CPEB1: variants seen among roughly 807,000 people sequenced by gnomAD.
CPEB1 encodes cytoplasmic polyadenylation element-binding protein 1.
In CPEB1, 7 loss-of-function variants were observed where a neutral mutation model predicts 65.8. The ratio of observed to expected loss-of-function variants is 0.11; its 90% CI spans 0.06 to 0.20. The LOEUF is 0.20. CPEB1 is among the 10% of genes least tolerant of loss of function. The probability of loss-of-function intolerance (pLI) is 1.00; values close to 1 mark genes in which losing one functional copy is unlikely to be tolerated. For synonymous variants in CPEB1, 262 were observed against 260.0 expected, an observed-to-expected ratio of 1.01 and a Z score of -0.08; for missense variants, 551 against 712.2, an observed-to-expected ratio of 0.77 and a Z score of 2.58.
chr15:82,633,230 C>A (rs2046401543), intron 1 of CPEB1: 1 of 152,100 alleles, frequency 6.6e-6, no homozygotes, highest in Non-Finnish European at 1.5e-5. Context: ...TGCTGTAAAA[C>A]AAAAACAATT....
intron 4 of CPEB1, among the ~76,000 whole-genome samples, chr15:82,561,114 T>C (rs2038113957): frequency 6.6e-6 from 1 of 151,982 alleles, no homozygotes; most frequent in African/African-American, 2.4e-5. Flanking sequence ...CACGAAGAGG[T>C]GGGACATTGA....
intron 1 of CPEB1, chr15:82,633,131 G>A (rs962856392): frequency 6.6e-6 from 1 of 152,138 alleles, no homozygotes; most frequent in African/African-American, 2.4e-5. Context: ...CAACGGGAAA[G>A]AAGGCTTTAA....
chr15:82,603,573 GT>G (rs2043301189), intron 3 of CPEB1, among the ~76,000 whole-genome samples: 1 of 151,568 alleles, frequency 6.6e-6, no homozygotes, highest in Non-Finnish European at 1.5e-5. Context: ...CTCTCTCCTG[GT>G]TAACCTTGAG....
chr15:82,556,404 C>T (rs142709262), intron 5 of CPEB1: 1 of 299,614 alleles, frequency 3.3e-6, no homozygotes, highest in African/African-American at 2.2e-5. Context: ...CTCACTGACC[C>T]ATACTCTTCC....
intron 3 of CPEB1, among the ~76,000 whole-genome samples, chr15:82,624,622 C>G (rs939267734): frequency 6.6e-6 from 1 of 152,174 alleles, no homozygotes; most frequent in East Asian, 1.9e-4. Flanking sequence ...TCACCAGACC[C>G]TGGCATCTTA....
At chr15:82,645,211 T>C (rs950536193) in intron 1 of CPEB1, among the ~76,000 whole-genome samples, 2 of 152,230 alleles carry the variant, frequency 1.3e-5, no homozygotes, top group African/African-American at 4.8e-5. Flanking sequence ...TGGAGTGCAG[T>C]GGCTGATCTC....
At chr15:82,605,650 G>A (rs868339096) in intron 3 of CPEB1, among the ~76,000 whole-genome samples, 1 of 152,260 alleles carries the variant, frequency 6.6e-6, no homozygotes, top group Middle Eastern at 3.4e-3. Flanking sequence ...ACACCATAAA[G>A]TTCTCATTTG....
chr15:82,590,203 C>G (rs55972423), intron 3 of CPEB1, among the ~76,000 whole-genome samples: 58,443 of 131,804 alleles, frequency 0.44, 12,290 homozygotes, highest in South Asian at 0.57. Flanking sequence ...CCCCTCATCC[C>G]TTTGACAAAA....
intron 4 of CPEB1, among the ~76,000 whole-genome samples, chr15:82,570,294 C>T (rs147825212): frequency 0.018 from 2,688 of 152,124 alleles, 31 homozygotes; most frequent in Non-Finnish European, 0.025. Flanking sequence ...CCATGGCTGC[C>T]GGTTCCTGGA....
chr15:82,579,740 G>GT (rs2041051881), intron 3 of CPEB1, among the ~76,000 whole-genome samples: 1 of 144,522 alleles, frequency 6.9e-6, no homozygotes, highest in East Asian at 2.2e-4. Context: ...GTGAAACCCC[G>GT]TCTCTACTAA....
intron 3 of CPEB1, among the ~76,000 whole-genome samples, chr15:82,617,906 TG>T (rs2044899930): frequency 6.6e-6 from 1 of 151,328 alleles, no homozygotes; most frequent in Non-Finnish European, 1.5e-5. Context: ...GCTAATTTTT[TG>T]TATTTTTAGT....
At position 82,628,571 on chromosome 15, in the gene CPEB1, G is replaced by A. The variant is rs550982355; in HGVS notation, c.-97-15C>T. 3 of 629,982 alleles carry A rather than the reference G, an allele frequency of 4.8e-6. No individual in the cohort carries two copies. In the African/African-American group the frequency reaches 5.5e-5, roughly 12 times the overall value. The allele number at this position is 629,982 out of a possible 1,614,324, so 39.0% of individuals were successfully genotyped here. A position where few individuals can be genotyped will look rare whatever the true frequency, so the allele number is the denominator to read the frequency against. On this transcript the variant is annotated splice_polypyrimidine_tract_variant and intron_variant, in intron 1 of 12. Transcript: ENST00000684509. Reference sequence around the variant, plus strand: ...AGGCACTGAAACTAACGCAAATGGTGGAATTAGGATTGGTACCACATAGAA... The same window carrying A: ...AGGCACTGAAACTAACGCAAATGGTAGAATTAGGATTGGTACCACATAGAA...
At chr15:82,603,543 G>GTATTA (rs2043296738) in intron 3 of CPEB1, among the ~76,000 whole-genome samples, 1 of 90,828 alleles carries the variant, frequency 1.1e-5, no homozygotes, top group Non-Finnish European at 2.1e-5. Context: ...TTGAAAGAAA[G>GTATTA]CATTAGAAGG....
chr15:82,619,478 C>T (rs774429807), intron 3 of CPEB1, among the ~76,000 whole-genome samples: 22 of 152,186 alleles, frequency 1.4e-4, no homozygotes, highest in Non-Finnish European at 2.1e-4. Flanking sequence ...ATTCAAAAGA[C>T]GCCAATTAAG....
chr15:82,573,643 T>A (rs1450681622), intron 3 of CPEB1, among the ~76,000 whole-genome samples: 1 of 152,080 alleles, frequency 6.6e-6, no homozygotes, highest in Non-Finnish European at 1.5e-5. Flanking sequence ...ATTACCCCCA[T>A]CCCTCACGAG....
intron 1 of CPEB1, among the ~76,000 whole-genome samples, chr15:82,645,739 G>A (rs1020645778): frequency 3.9e-5 from 6 of 151,924 alleles, no homozygotes; most frequent in African/African-American, 1.2e-4. Context: ...GTGGTGGCAC[G>A]AGCTTGTAAT....
intron 3 of CPEB1, among the ~76,000 whole-genome samples, chr15:82,600,571 A>C (rs1236303283): frequency 6.6e-6 from 1 of 152,130 alleles, no homozygotes; most frequent in Non-Finnish European, 1.5e-5. Context: ...GCAACAGCAC[A>C]AAAGAAGTGG....
At chr15:82,615,003 C>A (rs1027226072) in intron 3 of CPEB1, among the ~76,000 whole-genome samples, 1 of 152,088 alleles carries the variant, frequency 6.6e-6, no homozygotes, top group Admixed American at 6.6e-5. Flanking sequence ...GTATTCAATA[C>A]AAATCTTATT....
chr15:82,588,088 G>A (rs1596069950), intron 3 of CPEB1, among the ~76,000 whole-genome samples: 1 of 148,254 alleles, frequency 6.7e-6, no homozygotes. Context: ...CATCCAACTA[G>A]GTTTTTTTTT....
Sources: allele counts gnomAD v4.1 joint callset (sites outside exome capture counted in the v4.1 genomes callset), GRCh38; gene constraint gnomAD v4.1.1; transcripts MANE v1.5; gene names NCBI Gene and HGNC (gene_info 2026-07-23, HGNC 2026-07-21).